The following CHST11 variants were observed in gnomAD, a reference collection of about 807,000 sequenced individuals.
The protein encoded by CHST11 is C4S-1.
Under a neutral mutation model 30.4 loss-of-function variants are expected in CHST11, and 9 were observed. The observed-to-expected ratio is 0.30, with a 90% confidence interval of 0.18 to 0.52. CHST11 has a LOEUF of 0.52. CHST11 is among the 20% of genes least tolerant of loss of function. The pLI is 0.97. For missense variants in CHST11, 348 were observed against 460.6 expected (o/e 0.76, Z 2.24); for synonymous variants, 152 against 187.8 (o/e 0.81, Z 1.56).
intron 2 of CHST11, among the ~76,000 whole-genome samples, chr12:104,611,052 A>G (rs914389764): frequency 1.3e-5 from 2 of 152,100 alleles, no homozygotes; most frequent in Non-Finnish European, 2.9e-5. Context: ...CTCCGGTGAA[A>G]TGTCCTTCTA....
intron 2 of CHST11, among the ~76,000 whole-genome samples, chr12:104,614,277 C>T (rs1405030977): frequency 6.6e-6 from 1 of 152,168 alleles, no homozygotes; most frequent in Admixed American, 6.6e-5. Flanking sequence ...CCTGGCCAGA[C>T]GCAGTGGCTC....
At chr12:104,588,132 T>G (rs994531306) in intron 1 of CHST11, among the ~76,000 whole-genome samples, 2 of 152,220 alleles carry the variant, frequency 1.3e-5, no homozygotes, top group Non-Finnish European at 2.9e-5. Flanking sequence ...CCACTTTAAG[T>G]GTAGAATTCA....
rs938498848 is a variant in CHST11 at position 104,457,322 on chromosome 12, C to T, written c.-90C>T. 9.1e-6 allele frequency: 8 copies of T among 882,698 alleles called. No individual in the cohort carries two copies. In the Admixed American group the frequency reaches 1.5e-4, roughly 16 times the overall value. 54.7% of individuals were successfully genotyped at this position (882,698 alleles called of 1,614,324 possible). On this transcript the variant is annotated 5_prime_UTR_variant, in exon 1 of 3. Transcript: ENST00000303694. ...CCTTGCTCAGCTCTGCCCCGCGCCTCCCGGGCTCCGGTCCGCGCGGCGGGG... is the reference window on the plus strand; with the variant it reads ...CCTTGCTCAGCTCTGCCCCGCGCCTTCCGGGCTCCGGTCCGCGCGGCGGGG...
chr12:104,476,399 G>T (rs867290879), intron 1 of CHST11, among the ~76,000 whole-genome samples: 1 of 151,674 alleles, frequency 6.6e-6, no homozygotes, highest in African/African-American at 2.4e-5. Context: ...AAATCGTCAG[G>T]CTTACAGTGT....
intron 1 of CHST11, among the ~76,000 whole-genome samples, chr12:104,487,290 G>T (rs1296711650): frequency 6.6e-5 from 10 of 152,126 alleles, no homozygotes; most frequent in Admixed American, 6.5e-4. Flanking sequence ...TTGAGACAGG[G>T]TCTCACTGTC....
At chr12:104,529,079 A>G (rs760769169) in intron 1 of CHST11, among the ~76,000 whole-genome samples, 1 of 152,194 alleles carries the variant, frequency 6.6e-6, no homozygotes, top group Non-Finnish European at 1.5e-5. Context: ...TGTGGAGGAA[A>G]TGAAATTTAA....
intron 2 of CHST11, among the ~76,000 whole-genome samples, chr12:104,681,904 C>G (rs1426269583): frequency 6.7e-6 from 1 of 148,906 alleles, no homozygotes; most frequent in Non-Finnish European, 1.5e-5. Flanking sequence ...GATCTCGGCT[C>G]CCTGCGAGCT....
chr12:104,488,533 A>G (rs904092698), intron 1 of CHST11, among the ~76,000 whole-genome samples: 2 of 134,316 alleles, frequency 1.5e-5, no homozygotes, highest in African/African-American at 2.9e-5. Context: ...CTGTGTGTAT[A>G]TGTGTGTATG....
chr12:104,560,888 C>T (rs754976087), intron 1 of CHST11, among the ~76,000 whole-genome samples: 1 of 152,084 alleles, frequency 6.6e-6, no homozygotes, highest in Non-Finnish European at 1.5e-5. Flanking sequence ...TGCTGTGAAT[C>T]GAATTCTGCT....
At chr12:104,688,722 T>C (rs1328727061) in intron 2 of CHST11, among the ~76,000 whole-genome samples, 2 of 152,170 alleles carry the variant, frequency 1.3e-5, no homozygotes, top group East Asian at 1.9e-4. Context: ...GTAACCAAAA[T>C]AGGGGTGTGG....
intron 2 of CHST11, among the ~76,000 whole-genome samples, chr12:104,719,670 C>T (rs1447589736): frequency 1.3e-5 from 2 of 152,146 alleles, no homozygotes; most frequent in African/African-American, 2.4e-5. Context: ...TTATAAACAC[C>T]CCCTCTTAGC....
intron 1 of CHST11, among the ~76,000 whole-genome samples, chr12:104,538,530 G>A (rs2038259254): frequency 3.3e-5 from 5 of 152,140 alleles, no homozygotes; most frequent in Admixed American, 6.5e-5. Flanking sequence ...CTAAAGTTAT[G>A]GAGAATGTTA....
chr12:104,710,057 C>T (rs1326598666), intron 2 of CHST11, among the ~76,000 whole-genome samples: 2 of 152,022 alleles, frequency 1.3e-5, no homozygotes, highest in African/African-American at 4.8e-5. Flanking sequence ...AAAAATCTGC[C>T]AGGCCTGGTG....
chr12:104,554,037 G>C (rs1026556734), intron 1 of CHST11, among the ~76,000 whole-genome samples: 1 of 152,148 alleles, frequency 6.6e-6, no homozygotes, highest in Non-Finnish European at 1.5e-5. Flanking sequence ...GGTGTCTCTG[G>C]TCAGCTCACA....
At chr12:104,517,145 C>A (rs142512812) in intron 1 of CHST11, among the ~76,000 whole-genome samples, 2 of 152,176 alleles carry the variant, frequency 1.3e-5, no homozygotes, top group Non-Finnish European at 2.9e-5. Context: ...CTGGGGGAAG[C>A]TGGAATTTGA....
chr12:104,564,706 T>G (rs1329785692), intron 1 of CHST11, among the ~76,000 whole-genome samples: 1 of 152,176 alleles, frequency 6.6e-6, no homozygotes, highest in Non-Finnish European at 1.5e-5. Context: ...CCTTTGCCAA[T>G]GTATTTGTAT....
chr12:104,681,940 C>T (rs1324106057), intron 2 of CHST11, among the ~76,000 whole-genome samples: 1 of 148,286 alleles, frequency 6.7e-6, no homozygotes, highest in African/African-American at 2.5e-5. Context: ...ACGCCATTCT[C>T]CTGCCTCAGC....
At chr12:104,615,757 G>A (rs1440292165) in intron 2 of CHST11, among the ~76,000 whole-genome samples, 2 of 152,082 alleles carry the variant, frequency 1.3e-5, no homozygotes, top group Admixed American at 6.5e-5. Context: ...TGGAAACCCC[G>A]TCTCTGCCAA....
chr12:104,638,004 G>C (rs567586823), intron 2 of CHST11, among the ~76,000 whole-genome samples: 1 of 152,276 alleles, frequency 6.6e-6, no homozygotes, highest in Non-Finnish European at 1.5e-5. Context: ...CCTAGCACAG[G>C]TCCTGGCATA....
Sources: gnomAD v4.1 joint callset for allele counts (sites outside exome capture counted in the v4.1 genomes callset) on GRCh38, gnomAD v4.1.1 for gene constraint, MANE v1.5 for transcripts, NCBI Gene and HGNC (gene_info 2026-07-23, HGNC 2026-07-21) for gene names.